DLGAP1: variants seen among roughly 807,000 people sequenced by gnomAD.
DLGAP1 encodes the protein DLG associated protein 1, also known as disks large-associated protein 1.
DLGAP1 carries 11 observed loss-of-function variants against 90.8 expected under a neutral mutation model. The observed-to-expected ratio is 0.12, with a 90% CI of 0.08 to 0.20. The LOEUF is 0.20. Ranked by LOEUF, DLGAP1 falls within the 10% of genes least tolerant of loss-of-function variation. The probability of loss-of-function intolerance (pLI) is 1.00; values close to 1 mark genes in which losing one functional copy is unlikely to be tolerated. For missense variants in DLGAP1, 1,050 were observed against 1,333.8 expected (o/e 0.79, Z 3.31); for synonymous variants, 558 against 540.7 (o/e 1.03, Z -0.44).
intron 5 of DLGAP1, among the ~76,000 whole-genome samples, chr18:3,744,635 T>TC (rs1241857119): frequency 6.6e-6 from 1 of 152,168 alleles, no homozygotes; most frequent in Non-Finnish European, 1.5e-5. Context: ...AACCTTCACC[T>TC]CCTGGGTTCA....
At chr18:3,682,639 G>C (rs990392498) in intron 7 of DLGAP1, among the ~76,000 whole-genome samples, 5 of 152,084 alleles carry the variant, frequency 3.3e-5, no homozygotes, top group Non-Finnish European at 7.4e-5. Context: ...AAGTTATTTT[G>C]GTCTTAGTTG....
chr18:4,064,626 C>CT (rs2075346509), intron 2 of DLGAP1, among the ~76,000 whole-genome samples: 1 of 152,012 alleles, frequency 6.6e-6, no homozygotes, highest in Non-Finnish European at 1.5e-5. Flanking sequence ...CACAGACACC[C>CT]TCCCTAGACT....
At chr18:4,024,027 G>T (rs960838889) in intron 2 of DLGAP1, among the ~76,000 whole-genome samples, 3 of 152,002 alleles carry the variant, frequency 2.0e-5, no homozygotes, top group African/African-American at 7.2e-5. Flanking sequence ...ATTGACTTGA[G>T]GTTTCTGGTC....
At chr18:3,990,775 C>A (rs1236048941) in intron 3 of DLGAP1, among the ~76,000 whole-genome samples, 4 of 151,620 alleles carry the variant, frequency 2.6e-5, no homozygotes, top group African/African-American at 9.7e-5. Context: ...GTATGTAAAG[C>A]CAGATTTGCC....
chr18:3,732,385 AATATTCT>A (rs1229128938), intron 6 of DLGAP1, among the ~76,000 whole-genome samples: 1 of 152,258 alleles, frequency 6.6e-6, no homozygotes, highest in Non-Finnish European at 1.5e-5. Flanking sequence ...TGCAAAATGC[AATATTCT>A]ATAATTACTT....
chr18:4,088,386 A>G (rs2075718169), intron 2 of DLGAP1, among the ~76,000 whole-genome samples: 1 of 152,114 alleles, frequency 6.6e-6, no homozygotes, highest in African/African-American at 2.4e-5. Flanking sequence ...ATGACTAAAC[A>G]TTAAGAAAGG....
At chr18:3,638,227 G>T (rs941231009) in intron 7 of DLGAP1, among the ~76,000 whole-genome samples, 1 of 150,004 alleles carries the variant, frequency 6.7e-6, no homozygotes, top group Non-Finnish European at 1.5e-5. Context: ...GATTACAGGC[G>T]TGAGCCACCG....
chr18:4,445,076 G>A (rs2083627660), intron 1 of DLGAP1, among the ~76,000 whole-genome samples: 1 of 152,110 alleles, frequency 6.6e-6, no homozygotes, highest in Admixed American at 6.5e-5. Flanking sequence ...CACCTCAAAT[G>A]TTATCATTTC....
chr18:3,623,955 C>G (rs1445752244), intron 7 of DLGAP1, among the ~76,000 whole-genome samples: 2 of 152,164 alleles, frequency 1.3e-5, no homozygotes, highest in Non-Finnish European at 2.9e-5. Flanking sequence ...GGATCTGGTA[C>G]TTTTCCTCCC....
intron 5 of DLGAP1, among the ~76,000 whole-genome samples, chr18:3,791,195 G>A (rs925672741): frequency 6.6e-6 from 1 of 152,162 alleles, no homozygotes; most frequent in Admixed American, 6.5e-5. Flanking sequence ...CAGAAAAGTA[G>A]GCACAGGCAT....
chr18:3,656,558 A>G (rs2059490858), intron 7 of DLGAP1, among the ~76,000 whole-genome samples: 1 of 152,192 alleles, frequency 6.6e-6, no homozygotes, highest in African/African-American at 2.4e-5. Context: ...GTTAAAAACC[A>G]TGGTGTGATC....
intron 10 of DLGAP1, among the ~76,000 whole-genome samples, chr18:3,516,244 T>A (rs2144030343): frequency 6.6e-6 from 1 of 152,246 alleles, no homozygotes; most frequent in East Asian, 1.9e-4. Flanking sequence ...TTAAATTATT[T>A]TTTCAAATTT....
intron 2 of DLGAP1, among the ~76,000 whole-genome samples, chr18:4,047,887 C>T (rs1179227774): frequency 2.6e-5 from 4 of 152,164 alleles, no homozygotes; most frequent in Admixed American, 6.5e-5. Context: ...TCTGGTCTTC[C>T]CAGGTTCCAG....
chr18:4,152,724 A>G (rs926526971), intron 1 of DLGAP1, among the ~76,000 whole-genome samples: 12 of 152,332 alleles, frequency 7.9e-5, no homozygotes, highest in African/African-American at 2.6e-4. Flanking sequence ...ACTTTCACAC[A>G]TACCTCTTTA....
At chr18:3,718,116 T>C (rs989680277) in intron 7 of DLGAP1, among the ~76,000 whole-genome samples, 1 of 152,196 alleles carries the variant, frequency 6.6e-6, no homozygotes, top group Admixed American at 6.5e-5. Flanking sequence ...TAACCTGGAT[T>C]TATGTCAACA....
intron 3 of DLGAP1, among the ~76,000 whole-genome samples, chr18:3,914,990 G>T (rs1459414194): frequency 2.6e-5 from 4 of 152,174 alleles, no homozygotes; most frequent in African/African-American, 9.7e-5. Flanking sequence ...CCATCTGCCT[G>T]TCTCAGCCTC....
chr18:3,562,356 A>G (rs2054175336), intron 9 of DLGAP1, among the ~76,000 whole-genome samples: 1 of 151,956 alleles, frequency 6.6e-6, no homozygotes, highest in Non-Finnish European at 1.5e-5. Context: ...GTGTGTCCCC[A>G]CTCAAATCTC....
intron 10 of DLGAP1, among the ~76,000 whole-genome samples, chr18:3,510,629 T>A (rs2050487524): frequency 6.6e-6 from 1 of 152,166 alleles, no homozygotes; most frequent in Admixed American, 6.5e-5. Flanking sequence ...AGGGTAGGAC[T>A]GTGAGATCGG....
chr18:3,945,374 A>G (rs1275249441), intron 3 of DLGAP1, among the ~76,000 whole-genome samples: 1 of 152,228 alleles, frequency 6.6e-6, no homozygotes, highest in Non-Finnish European at 1.5e-5. Flanking sequence ...ACAAGTAAAC[A>G]TCACTCTTTG....
Sources: gnomAD v4.1 joint callset for allele counts (sites outside exome capture counted in the v4.1 genomes callset) on GRCh38, gnomAD v4.1.1 for gene constraint, MANE v1.5 for transcripts, NCBI Gene and HGNC (gene_info 2026-07-23, HGNC 2026-07-21) for gene names.